Variants in LAMA5 observed in about 807,000 individuals in gnomAD.
LAMA5 encodes laminin subunit alpha-5.
LAMA5 carries 260 observed loss-of-function variants against 433.4 expected under a neutral mutation model. That is an observed-to-expected ratio of 0.60 (90% CI 0.54 to 0.66). The LOEUF is 0.66. LAMA5 is among the 30% of genes least tolerant of loss of function. The probability of loss-of-function intolerance (pLI) is 0.00; values close to 1 mark genes in which losing one functional copy is unlikely to be tolerated. For missense variants in LAMA5, 5,378 were observed against 5,258.5 expected, an observed-to-expected ratio of 1.02 and a Z score of -0.70; for synonymous variants, 2,620 against 2,226.6, an observed-to-expected ratio of 1.18 and a Z score of -4.97.
Position 62,309,759 on chromosome 20 carries a change from A to G in LAMA5, c.10905T>C (p.Ala3635=), listed in dbSNP as rs751852272. 11 of 1,604,540 alleles carry G rather than the reference A, an allele frequency of 6.9e-6. No homozygotes were observed. Among genetic ancestry groups the G allele is most frequent in the Admixed American group, 5.3e-5 (3 of 57,114 alleles). The change falls in exon 79 of 80, where the codon GCT becomes GCC. Residue 3635 remains alanine (A), a synonymous_variant. Coordinates refer to ENST00000252999, the MANE Select transcript of LAMA5 (RefSeq NM_005560.6). ...SNHTVGPLLA[A]AAGAPAPLYL... ...ACAGAGGGGCTGGGGCACCAGCTGC[A>G]GCCGCCAGCAAGGGGCCCACGGTGT...
At chr20:62,347,492 G>C (rs1386609057) in intron 6 of LAMA5, among the ~76,000 whole-genome samples, 1 of 152,158 alleles carries the variant, frequency 6.6e-6, no homozygotes, top group African/African-American at 2.4e-5. Flanking sequence ...AAGGGAAAGG[G>C]GTCCATTTGC....
rs142711914 is a variant in LAMA5 at position 62,320,776 on chromosome 20, C to T, written c.6611G>A (p.Arg2204His). 48 of 1,612,650 alleles carry T rather than the reference C, an allele frequency of 3.0e-5. No homozygotes were observed. Among genetic ancestry groups the T allele is most frequent in the South Asian group, 1.4e-4 (13 of 91,080 alleles). ...GINASSMAWA[R>H]LHRLNASIAD... ...GATGGAGGCGTTCAGCCTGTGCAGA[C>T]GGGCCCAGGCCATGGAGCTGGCATT... The change falls in exon 49 of 80, where the codon CGT becomes CAT. Residue 2204 changes from arginine to histidine, a missense_variant. Arg to His is a conservative substitution (Grantham distance 29, BLOSUM62 0). Transcript: ENST00000252999.
intron 50 of LAMA5, among the ~76,000 whole-genome samples, chr20:62,320,312 G>A (rs1452648385): frequency 1.2e-5 from 1 of 83,718 alleles, no homozygotes; most frequent in African/African-American, 4.7e-5. Context: ...GAGCAAAACT[G>A]TGTCTCAAAA....
At chr20:62,319,609 G>T in intron 51 of LAMA5, 75 bp downstream of exon 51, 1 of 1,070,672 alleles carries the variant, frequency 9.3e-7, no homozygotes, top group Non-Finnish European at 1.4e-6. Context: ...GGCCAAGCTC[G>T]GCCAGGCACC....
chr20:62,334,817 G>A (rs1431237828), intron 20 of LAMA5, among the ~76,000 whole-genome samples, 196 bp from the exon 21 acceptor site: 3 of 151,526 alleles, frequency 2.0e-5, no homozygotes, highest in Non-Finnish European at 4.4e-5. Flanking sequence ...CCCAGGTGTA[G>A]GACAGGGGAG....
At chr20:62,329,110 A>G in intron 33 of LAMA5, 28 bp downstream of exon 33, 1 of 1,611,704 alleles carries the variant, frequency 6.2e-7, no homozygotes, top group South Asian at 1.1e-5. Flanking sequence ...CCCACCCCGG[A>G]CCCCTGACCT....
At chr20:62,330,293 GA>G in intron 31 of LAMA5, among the ~76,000 whole-genome samples, 194 bp downstream of exon 31, 1 of 152,380 alleles carries the variant, frequency 6.6e-6, no homozygotes, top group Middle Eastern at 3.4e-3. Flanking sequence ...ACAGAGGCGA[GA>G]CCCAGGCTTT....
At chr20:62,366,307 ACC>A (rs1986719192) in intron 1 of LAMA5, among the ~76,000 whole-genome samples, 1 of 152,100 alleles carries the variant, frequency 6.6e-6, no homozygotes, top group Non-Finnish European at 1.5e-5. Context: ...GGGGACATGC[ACC>A]CCAGGGGGTC....
rs1286188465 is a variant in LAMA5, at chr20:62,335,065, T to A, written c.2438A>T (p.Asp813Val). ...VCGQACASCK[D>V]GFFGLDQADY... ...AGCCTGATCCAGTCCAAAGAAGCCATCCTTGCAGGACGCGCAGGCCTGGCC... is the reference window on the plus strand; with the variant it reads ...AGCCTGATCCAGTCCAAAGAAGCCAACCTTGCAGGACGCGCAGGCCTGGCC... Residue 813 changes from aspartate to valine, a missense_variant, in exon 20 of 80, where the codon GAT becomes GTT. Asp to Val is a radical substitution (Grantham distance 152). Transcript: ENST00000252999. The A allele has an allele frequency of 1.2e-6, 2 of 1,612,830 alleles. No individual in the cohort carries two copies. The highest frequency in any genetic ancestry group is 3.3e-5 in the Admixed American group (2 of 59,970).
At chr20:62,358,563 CA>C (rs2146345457) in intron 2 of LAMA5, among the ~76,000 whole-genome samples, 1 of 152,314 alleles carries the variant, frequency 6.6e-6, no homozygotes, top group Non-Finnish European at 1.5e-5. Context: ...GCCGGCCAGC[CA>C]GAGAGCAGGC....
intron 12 of LAMA5, 27 bp downstream of exon 12, chr20:62,338,441 G>A (rs1235272205): frequency 1.2e-6 from 2 of 1,607,720 alleles, no homozygotes; most frequent in East Asian, 2.2e-5. Context: ...AGCGCAGGTA[G>A]AGGTTGAGCG....
chr20:62,322,585 T>A (rs902763529), intron 46 of LAMA5, 73 bp downstream of exon 46: 1 of 1,424,204 alleles, frequency 7.0e-7, no homozygotes, highest in Admixed American at 2.1e-5. Context: ...GCCCCACCTA[T>A]CAGATTCTCC....
Position 62,318,477 on chromosome 20 carries a change from G to C in LAMA5, c.7216C>G (p.Gln2406Glu), listed in dbSNP as rs757369960. The C allele has an allele frequency of 6.2e-7, 1 of 1,605,630 alleles. No homozygotes were observed. Among genetic ancestry groups the C allele is most frequent in the South Asian group, 1.1e-5 (1 of 90,976 alleles). ...ACCAGGGCTTCCTCCAGGCGCTCCT[G>C]GTTGCGGCTGTTGAGCTCCTGGGCC... The part of the protein sequence containing the change: ...REAQELNSRN[Q>E]ERLEEALQRK... Residue 2406 changes from glutamine to glutamate, a missense_variant, in exon 53 of 80, where the codon CAG (glutamine) becomes GAG (glutamate). By Grantham distance (29) the Gln-to-Glu change is conservative. Transcript: ENST00000252999.
At chr20:62,353,604 G>C (rs140042276) in intron 2 of LAMA5, among the ~76,000 whole-genome samples, 1 of 152,138 alleles carries the variant, frequency 6.6e-6, no homozygotes, top group Admixed American at 6.5e-5. Flanking sequence ...GCCTACCTGC[G>C]GCCCAGGCAG....
In LAMA5 at chr20:62,316,663, G is replaced by C; in HGVS notation, c.7756+8C>G. 6.4e-7 allele frequency: 1 copy of C among 1,571,536 alleles called. No homozygotes were observed. Among genetic ancestry groups the C allele is most frequent in the Non-Finnish European group, 8.7e-7 (1 of 1,154,238 alleles). ...GCCTAAGGGCCCCCATCGGAGCCCA[G>C]CACTCACCAAGGCCCAGCCTCTGCT... On this transcript the variant is annotated splice_region_variant and intron_variant, in intron 57 of 79. Transcript: ENST00000252999.
intron 11 of LAMA5, among the ~76,000 whole-genome samples, chr20:62,341,435 T>A (rs987399986): frequency 2.0e-5 from 3 of 152,198 alleles, no homozygotes; most frequent in Non-Finnish European, 2.9e-5. Context: ...TAACTCTTTG[T>A]TATGTGTGCA....
rs770536272 is a variant in LAMA5 at position 62,351,987 on chromosome 20, G to A, written c.780C>T (p.Arg260=). 6.2e-7 allele frequency: 1 copy of A among 1,612,678 alleles called. No homozygotes were observed. Among genetic ancestry groups the A allele is most frequent in the Non-Finnish European group, 8.5e-7 (1 of 1,179,914 alleles). The stretch of plus-strand genomic sequence containing the variant: ...GCGTGTTGGTACGCAGGAAGCGCAG[G>A]CGGACGTTGGTGGCCTTGGTGAACT... ...LREFTKATNV[R]LRFLRTNTLL... is the part of the protein sequence containing the mutation. The change falls in exon 5 of 80, where the codon CGC becomes CGT. Residue 260 remains arginine, a synonymous_variant. Transcript: ENST00000252999.
rs201012962 is a variant in LAMA5 at position 62,315,100 on chromosome 20, G to A, written c.7975C>T (p.Arg2659Trp). The change falls in exon 59 of 80, where the codon CGG (arginine) becomes TGG (tryptophan). Residue 2659 changes from arginine (R) to tryptophan (W), a missense_variant. Transcript: ENST00000252999. ...AGGCCCTCGTACTGGCCCTGCCACC[G>A]CTCCACATTCTCCTGCATGGCCTGC... ...QLQAMQENVE[R>W]WQGQYEGLRG... 66 of 1,606,064 alleles carry A rather than the reference G, an allele frequency of 4.1e-5. No homozygotes were observed. The South Asian group carries it at 4.4e-4, about 11-fold the overall frequency.
intron 2 of LAMA5, among the ~76,000 whole-genome samples, chr20:62,356,782 GA>G (rs1401778165): frequency 6.6e-6 from 1 of 152,252 alleles, no homozygotes; most frequent in Admixed American, 6.5e-5. Flanking sequence ...AAGAGCTGCA[GA>G]GAGGGGCATC....
Sources: gnomAD v4.1 joint callset for allele counts (sites outside exome capture counted in the v4.1 genomes callset) on GRCh38, gnomAD v4.1.1 for gene constraint, MANE v1.5 for transcripts, NCBI Gene and HGNC (gene_info 2026-07-23, HGNC 2026-07-21) for gene names.